FMN2: variants seen among roughly 807,000 people sequenced by gnomAD.
FMN2 encodes the protein formin 2, also known as formin-2.
In FMN2, 51 loss-of-function variants were observed where a neutral mutation model predicts 142.3. The observed-to-expected ratio is 0.36, with a 90% CI of 0.29 to 0.45. FMN2 has a LOEUF of 0.45. FMN2 is among the 20% of genes least tolerant of loss of function. The pLI is 1.00. For synonymous variants in FMN2, 882 were observed against 869.8 expected (o/e 1.01, Z -0.25); for missense variants, 1,936 against 2,122.8 (o/e 0.91, Z 1.73).
chr1:240,421,041 C>T (rs986588147), intron 15 of FMN2, among the ~76,000 whole-genome samples: 3 of 152,126 alleles, frequency 2.0e-5, no homozygotes, highest in Non-Finnish European at 2.9e-5. Context: ...AAAGTTTTGT[C>T]GAAGCCAATG....
At chr1:240,420,972 G>A (rs1333251009) in intron 15 of FMN2, among the ~76,000 whole-genome samples, 1 of 152,204 alleles carries the variant, frequency 6.6e-6, no homozygotes, top group Non-Finnish European at 1.5e-5. Flanking sequence ...CCTCCATGGA[G>A]GAGAGGGAAG....
Position 240,092,742 on chromosome 1 carries a change from GCAGCTCCAGCTC to G in FMN2, c.644_655del (p.Leu215_Gln218del), listed in dbSNP as rs767102734. ...TCCGCCTGCAGCAGCAGCAGCAGCA[GCAGCTCCAGCTC>G]CAGCTCCAGCAACAGCAGCAGCAGC... On this transcript the variant is annotated inframe_deletion, in exon 1 of 18. Coordinates refer to ENST00000319653, the MANE Select transcript of FMN2 (RefSeq NM_020066.5). 3 of 1,612,912 alleles carry G rather than the reference GCAGCTCCAGCTC, an allele frequency of 1.9e-6. No homozygotes were observed. The highest frequency in any genetic ancestry group is 1.1e-5 in the South Asian group (1 of 91,048).
intron 13 of FMN2, among the ~76,000 whole-genome samples, chr1:240,350,758 A>T (rs1672070624): frequency 6.6e-6 from 1 of 152,148 alleles, no homozygotes; most frequent in Non-Finnish European, 1.5e-5. Context: ...AGTTGAGGGG[A>T]GATTGACCCT....
At chr1:240,116,511 T>C (rs2103205290) in intron 1 of FMN2, among the ~76,000 whole-genome samples, 1 of 151,842 alleles carries the variant, frequency 6.6e-6, no homozygotes, top group East Asian at 1.9e-4. Flanking sequence ...GGGAAGGGAA[T>C]ATCATGAGCT....
At chr1:240,263,140 C>A (rs571033503) in intron 7 of FMN2, among the ~76,000 whole-genome samples, 1 of 152,136 alleles carries the variant, frequency 6.6e-6, no homozygotes, top group Admixed American at 6.6e-5. Context: ...TGAACCCTCC[C>A]CCACACACAG....
chr1:240,151,673 T>G (rs1231202830), intron 2 of FMN2, among the ~76,000 whole-genome samples: 1 of 152,092 alleles, frequency 6.6e-6, no homozygotes, highest in Non-Finnish European at 1.5e-5. Flanking sequence ...AGACTTGCTG[T>G]CTAATTTTAA....
At chr1:240,257,143 C>T (rs932114188) in intron 6 of FMN2, among the ~76,000 whole-genome samples, 2 of 152,182 alleles carry the variant, frequency 1.3e-5, no homozygotes, top group Non-Finnish European at 1.5e-5. Flanking sequence ...GGATAAGTTT[C>T]ATAAGCAGAA....
At chr1:240,359,055 G>A (rs1481648128) in intron 14 of FMN2, among the ~76,000 whole-genome samples, 1 of 152,094 alleles carries the variant, frequency 6.6e-6, no homozygotes, top group East Asian at 1.9e-4. Context: ...CACCCGGGAG[G>A]CAGAGGTTGC....
chr1:240,202,368 G>A (rs1352156837), intron 4 of FMN2, among the ~76,000 whole-genome samples: 1 of 152,122 alleles, frequency 6.6e-6, no homozygotes, highest in Non-Finnish European at 1.5e-5. Flanking sequence ...TATGACCTCT[G>A]TTACCACTAA....
intron 15 of FMN2, among the ~76,000 whole-genome samples, chr1:240,395,395 T>C (rs1673741456): frequency 6.6e-6 from 1 of 152,184 alleles, no homozygotes; most frequent in Non-Finnish European, 1.5e-5. Context: ...TCAAGTCTTA[T>C]TAGTTAAGAA....
chr1:240,188,306 T>G (rs1352671127), intron 4 of FMN2, 44 bp downstream of exon 4: 1 of 1,594,264 alleles, frequency 6.3e-7, no homozygotes, highest in Admixed American at 1.7e-5. Context: ...TCTGTCTTAT[T>G]TGTCTTAAGA....
chr1:240,093,608 C>T lies in FMN2; in HGVS notation c.1499C>T (p.Ala500Val). ...GARTPRVGGS[A>V]HLLERGVASD... ...CGCACGCCCCGGGTGGGAGGCTCCG[C>T]GCACCTGCTGGAGCGCGGGGTGGCG... Residue 500 changes from alanine to valine, a missense_variant, in exon 1 of 18, where the codon GCG becomes GTG. Ala to Val is a moderately conservative substitution (Grantham distance 64). Coordinates refer to ENST00000319653, the MANE Select transcript of FMN2 (RefSeq NM_020066.5). 7.0e-7 allele frequency: 1 copy of T among 1,429,502 alleles called. No homozygotes were observed. Among genetic ancestry groups the T allele is most frequent in the Non-Finnish European group, 9.1e-7 (1 of 1,102,006 alleles). 88.6% of individuals were successfully genotyped at this position (1,429,502 alleles called of 1,614,324 possible). A position where few individuals can be genotyped will look rare whatever the true frequency, so the allele number is the denominator to read the frequency against.
intron 15 of FMN2, among the ~76,000 whole-genome samples, chr1:240,393,059 G>T (rs147858295): frequency 1.1e-4 from 16 of 151,894 alleles, no homozygotes; most frequent in African/African-American, 3.9e-4. Context: ...CTCTATATAC[G>T]TCAGGGTTCT....
intron 7 of FMN2, among the ~76,000 whole-genome samples, chr1:240,274,443 TCAG>T (rs893211456): frequency 2.6e-5 from 4 of 151,992 alleles, no homozygotes; most frequent in African/African-American, 9.7e-5. Context: ...GAGAGAGCAC[TCAG>T]CGGGGAGAGA....
chr1:240,327,855 A>C (rs1671221661), intron 8 of FMN2, among the ~76,000 whole-genome samples: 1 of 152,144 alleles, frequency 6.6e-6, no homozygotes. Context: ...TGTATCAAAA[A>C]GAAAATCCAG....
chr1:240,296,747 CA>C (rs1670003937), intron 8 of FMN2, among the ~76,000 whole-genome samples: 1 of 151,820 alleles, frequency 6.6e-6, no homozygotes, highest in Non-Finnish European at 1.5e-5. Context: ...AAATATGTCT[CA>C]TGGTGCATTG....
intron 2 of FMN2, among the ~76,000 whole-genome samples, chr1:240,158,045 T>A (rs968582729): frequency 1.3e-5 from 2 of 151,270 alleles, no homozygotes; most frequent in Non-Finnish European, 2.9e-5. Flanking sequence ...CTTGGAAGGC[T>A]GAGGCCTTCC....
chr1:240,328,982 T>C, intron 8 of FMN2, 94 bp from the exon 9 acceptor site: 1 of 1,080,380 alleles, frequency 9.3e-7, no homozygotes, highest in Non-Finnish European at 1.4e-6. Context: ...TTTCGCTGTA[T>C]TCAGATCAGC....
intron 9 of FMN2, 35 bp downstream of exon 9, chr1:240,329,202 AGGCTATG>A (rs762277420): frequency 1.5e-5 from 24 of 1,610,878 alleles, no homozygotes; most frequent in Non-Finnish European, 2.0e-5. Context: ...GAGGGCGTCC[AGGCTATG>A]GGTGGGCCCG....
Sources: gnomAD v4.1 joint callset for allele counts (sites outside exome capture counted in the v4.1 genomes callset) on GRCh38, gnomAD v4.1.1 for gene constraint, MANE v1.5 for transcripts, NCBI Gene and HGNC (gene_info 2026-07-23, HGNC 2026-07-21) for gene names.